Variants in KYNU observed in about 807,000 individuals in gnomAD.
KYNU encodes L-kynurenine hydrolase.
A neutral mutation model predicts 59.2 loss-of-function variants in KYNU; 54 were observed. The observed-to-expected ratio is 0.91, with a 90% CI of 0.73 to 1.14. KYNU has a LOEUF of 1.14. KYNU is among the 50% of genes most tolerant of loss of function. KYNU has a pLI of 0.00. For synonymous variants in KYNU, 177 were observed against 192.0 expected, an observed-to-expected ratio of 0.92 and a Z score of 0.65; for missense variants, 567 against 554.4, an observed-to-expected ratio of 1.02 and a Z score of -0.23.
chr2:143,051,439 A>G lies in KYNU; in HGVS notation c.*9267A>G, dbSNP rs181172043. ...GGATTTTTTAGTTAAAAGAAAATAC[A>G]TATTTTAAAAATATAAATTATATTT... On this transcript the variant is annotated 3_prime_UTR_variant, in exon 14 of 14. Coordinates refer to ENST00000264170, the MANE Select transcript of KYNU (RefSeq NM_003937.3). The G allele has an allele frequency of 2.6e-5, 4 of 152,244 alleles. No individual in the cohort carries two copies. In the East Asian group the frequency reaches 5.8e-4, roughly 22 times the overall value. 9.4% of individuals were successfully genotyped at this position (152,244 alleles called of 1,614,324 possible).
chr2:142,902,725 G>GT (rs1682146757), intron 2 of KYNU, among the ~76,000 whole-genome samples: 1 of 152,166 alleles, frequency 6.6e-6, no homozygotes, highest in East Asian at 1.9e-4. Context: ...ATGGCACAAG[G>GT]TTTTTTCAAC....
intron 4 of KYNU, among the ~76,000 whole-genome samples, chr2:142,938,020 AAGAT>A (rs1156261145): frequency 6.6e-6 from 1 of 152,222 alleles, no homozygotes; most frequent in Admixed American, 6.5e-5. Flanking sequence ...TGGATTTTGT[AAGAT>A]AGGAACAAGG....
At position 142,954,877 on chromosome 2, in the gene KYNU, T is replaced by C; in HGVS notation, c.435+6T>C. ...TAAATTTACATCTTCTAATGGTAAG[T>C]TTTCTTTCCCACTAATGTTTAGAAC... On this transcript the variant is annotated splice_donor_region_variant and intron_variant, in intron 5 of 13. Coordinates refer to ENST00000264170, the MANE Select transcript of KYNU (RefSeq NM_003937.3). 1.3e-6 allele frequency: 2 copies of C among 1,558,164 alleles called. No individual in the cohort carries two copies. The highest frequency in any genetic ancestry group is 2.7e-5 in the African/African-American group (2 of 73,820).
chr2:142,910,816 T>G (rs1682456653), intron 2 of KYNU, among the ~76,000 whole-genome samples: 1 of 152,216 alleles, frequency 6.6e-6, no homozygotes, highest in East Asian at 1.9e-4. Flanking sequence ...CAGCACCACC[T>G]ATTGAATAAG....
At chr2:142,939,014 G>A (rs1219018499) in intron 4 of KYNU, among the ~76,000 whole-genome samples, 1 of 151,970 alleles carries the variant, frequency 6.6e-6, no homozygotes, top group Non-Finnish European at 1.5e-5. Context: ...AAAAATTAGT[G>A]GGGTGTGGGT....
intron 8 of KYNU, among the ~76,000 whole-genome samples, chr2:142,965,836 C>T (rs1185195653): frequency 1.3e-5 from 2 of 152,098 alleles, no homozygotes; most frequent in African/African-American, 2.4e-5. Flanking sequence ...TCTTATGTTC[C>T]TCAATTATAC....
chr2:142,919,051 G>A (rs1056928743), intron 3 of KYNU, among the ~76,000 whole-genome samples: 2 of 152,176 alleles, frequency 1.3e-5, no homozygotes, highest in Non-Finnish European at 2.9e-5. Context: ...AGGGAATAGT[G>A]ACGAGAAAAA....
At chr2:142,976,010 G>A (rs551200127) in intron 8 of KYNU, among the ~76,000 whole-genome samples, 41 of 152,210 alleles carry the variant, frequency 2.7e-4, no homozygotes, top group African/African-American at 8.9e-4. Context: ...GCTGGGGCTC[G>A]TCATGGGTGG....
At chr2:142,970,454 A>G (rs773023261) in intron 8 of KYNU, among the ~76,000 whole-genome samples, 2 of 152,232 alleles carry the variant, frequency 1.3e-5, no homozygotes, top group Non-Finnish European at 2.9e-5. Context: ...AGTAATCAGC[A>G]GAAAAATACC....
chr2:142,915,705 T>A (rs1682644984), intron 2 of KYNU, among the ~76,000 whole-genome samples: 1 of 152,192 alleles, frequency 6.6e-6, no homozygotes, highest in Non-Finnish European at 1.5e-5. Context: ...TCTAACACTG[T>A]TGACTTAAGG....
chr2:143,012,589 A>G (rs1187876511), intron 10 of KYNU, among the ~76,000 whole-genome samples: 5 of 151,984 alleles, frequency 3.3e-5, no homozygotes, highest in African/African-American at 1.2e-4. Context: ...TTTATTTTTT[A>G]CTGTGTATAT....
chr2:142,977,456 C>A (rs1350992010), intron 8 of KYNU, among the ~76,000 whole-genome samples: 1 of 148,392 alleles, frequency 6.7e-6, no homozygotes, highest in Non-Finnish European at 1.5e-5. Context: ...TAAGTTGGAA[C>A]AGTATTCTGG....
chr2:143,047,279 C>G lies in KYNU; in HGVS notation c.*5107C>G, dbSNP rs1687180610. On this transcript the variant is annotated 3_prime_UTR_variant, in exon 14 of 14. Coordinates refer to ENST00000264170, the MANE Select transcript of KYNU (RefSeq NM_003937.3). ...AAGTTGTAGAAACAGTGTTTTGCTA[C>G]ATTTCCCAGGCTGGTCTCAAACTCC... 1 of 152,092 alleles carries G rather than the reference C, an allele frequency of 6.6e-6. No individual in the cohort carries two copies. Among genetic ancestry groups the G allele is most frequent in the Admixed American group, 6.6e-5 (1 of 15,260 alleles). 9.4% of individuals were successfully genotyped at this position (152,092 alleles called of 1,614,324 possible).
chr2:142,987,799 A>T (rs1033932141), intron 10 of KYNU, among the ~76,000 whole-genome samples: 1 of 151,942 alleles, frequency 6.6e-6, no homozygotes, highest in Non-Finnish European at 1.5e-5. Context: ...CCAGTGTTGG[A>T]GCAGGGGCCT....
intron 2 of KYNU, among the ~76,000 whole-genome samples, chr2:142,916,329 T>C (rs1439842545): frequency 6.6e-6 from 1 of 152,204 alleles, no homozygotes; most frequent in African/African-American, 2.4e-5. Context: ...CTCAAAAATC[T>C]CTGCCTTCTT....
intron 2 of KYNU, among the ~76,000 whole-genome samples, chr2:142,908,203 A>T (rs1682361446): frequency 6.6e-6 from 1 of 152,166 alleles, no homozygotes; most frequent in Non-Finnish European, 1.5e-5. Flanking sequence ...ATTTTATTAC[A>T]AATGGGAAAC....
intron 1 of KYNU, 59 bp from the exon 2 acceptor site, chr2:142,885,290 G>C (rs1681464381): frequency 7.2e-6 from 10 of 1,390,956 alleles, no homozygotes; most frequent in Non-Finnish European, 4.0e-6. Flanking sequence ...TTACCTAAAG[G>C]GCTCATTTTC....
chr2:142,964,948 C>T (rs1684481241), intron 8 of KYNU, among the ~76,000 whole-genome samples: 1 of 152,152 alleles, frequency 6.6e-6, no homozygotes, highest in African/African-American at 2.4e-5. Flanking sequence ...TTTTGGAGCT[C>T]TGTCTTACTT....
intron 10 of KYNU, among the ~76,000 whole-genome samples, chr2:143,012,490 C>CAAAAAAAAAAAAAA (rs1255670962): frequency 1.3e-5 from 1 of 79,918 alleles, no homozygotes; most frequent in Non-Finnish European, 2.8e-5. Flanking sequence ...CTCCAAAAAA[C>CAAAAAAAAAAAAAA]AAAAAAAAAA....
Sources: allele counts gnomAD v4.1 joint callset (sites outside exome capture counted in the v4.1 genomes callset), GRCh38; gene constraint gnomAD v4.1.1; transcripts MANE v1.5; gene names NCBI Gene and HGNC (gene_info 2026-07-23, HGNC 2026-07-21).